The following NADSYN1 variants were observed in gnomAD, a reference collection of about 807,000 sequenced individuals.
NADSYN1 encodes glutamine-dependent NAD(+) synthetase.
NADSYN1 carries 80 observed loss-of-function variants against 99.3 expected under a neutral mutation model. The observed-to-expected ratio is 0.81, with a 90% confidence interval of 0.67 to 0.97. NADSYN1 has a LOEUF of 0.97. Among genes scored for constraint, NADSYN1 ranks in the 50% least tolerant of loss-of-function variants. The probability of loss-of-function intolerance (pLI) is 0.00; values close to 1 mark genes in which losing one functional copy is unlikely to be tolerated. For missense variants in NADSYN1, 859 were observed against 948.5 expected, an observed-to-expected ratio of 0.91 and a Z score of 1.24; for synonymous variants, 385 against 372.1, an observed-to-expected ratio of 1.03 and a Z score of -0.40.
At chr11:71,487,663 C>T (rs1210732138) in intron 16 of NADSYN1, among the ~76,000 whole-genome samples, 1 of 151,722 alleles carries the variant, frequency 6.6e-6, no homozygotes, top group Admixed American at 6.6e-5. Flanking sequence ...AACCCTGTCT[C>T]TACTAAAAAT....
chr11:71,490,838 C>G lies in NADSYN1; in HGVS notation c.1563-7C>G. The G allele has an allele frequency of 1.2e-6, 2 of 1,614,070 alleles. No individual in the cohort carries two copies. The highest frequency in any genetic ancestry group is 1.7e-6 in the Non-Finnish European group (2 of 1,179,946). The stretch of plus-strand genomic sequence containing the variant: ...GGAACCCGCGCTCTTTCTCCCTCTC[C>G]CTGCAGTCTCCTGGGCTACCTGACC... On this transcript the variant is annotated splice_polypyrimidine_tract_variant and splice_region_variant and intron_variant, in intron 16 of 20. Coordinates refer to ENST00000319023, the MANE Select transcript of NADSYN1 (RefSeq NM_018161.5).
chr11:71,458,175 T>C (rs989973378), intron 2 of NADSYN1, among the ~76,000 whole-genome samples: 1 of 152,184 alleles, frequency 6.6e-6, no homozygotes, highest in Admixed American at 6.5e-5. Flanking sequence ...CACTTCCTGA[T>C]AGAGAGAGAG....
At chr11:71,485,934 C>T (rs1290854270) in intron 16 of NADSYN1, among the ~76,000 whole-genome samples, 1 of 152,192 alleles carries the variant, frequency 6.6e-6, no homozygotes, top group Non-Finnish European at 1.5e-5. Flanking sequence ...TCAGGCTCCC[C>T]TCTTTCTTCT....
intron 3 of NADSYN1, among the ~76,000 whole-genome samples, chr11:71,463,013 A>G (rs1419813788): frequency 6.6e-6 from 1 of 152,104 alleles, no homozygotes; most frequent in Non-Finnish European, 1.5e-5. Flanking sequence ...GGAGCAGCAA[A>G]TGGAGGGGTT....
chr11:71,477,686 G>A (rs528916372), intron 9 of NADSYN1, among the ~76,000 whole-genome samples: 13 of 152,358 alleles, frequency 8.5e-5, no homozygotes, highest in Admixed American at 5.9e-4. Context: ...CAAAGGCAGG[G>A]CAGTGTCACC....
chr11:71,482,453 C>T (rs962580734), intron 13 of NADSYN1, among the ~76,000 whole-genome samples: 32 of 151,738 alleles, frequency 2.1e-4, no homozygotes, highest in East Asian at 1.2e-3. Context: ...GGGTGTAGAC[C>T]GGGGTGCAGC....
chr11:71,481,391 G>C lies in NADSYN1; in HGVS notation c.1034G>C (p.Arg345Thr). The C allele has an allele frequency of 6.2e-7, 1 of 1,614,050 alleles. No individual in the cohort carries two copies. Residue 345 changes from arginine (R) to threonine (T), a missense_variant, in exon 12 of 21, where the codon AGA becomes ACA. Coordinates refer to ENST00000319023, the MANE Select transcript of NADSYN1 (RefSeq NM_018161.5). Reference sequence around the variant, plus strand: ...GCCTGCTGGCTCTGGGATTTTTTAAGACGAAGTCAACAGGTAAGACTTCCA... The same window carrying C: ...GCCTGCTGGCTCTGGGATTTTTTAACACGAAGTCAACAGGTAAGACTTCCA... ...GPACWLWDFL[R>T]RSQQAGFLLP... is the part of the protein sequence containing the mutation.
chr11:71,476,004 G>A (rs1256879227), intron 9 of NADSYN1: 6 of 455,730 alleles, frequency 1.3e-5, no homozygotes, highest in Non-Finnish European at 2.6e-5. Context: ...GTGAGCCACC[G>A]CACCCGGCCT....
intron 5 of NADSYN1, among the ~76,000 whole-genome samples, chr11:71,469,783 A>G (rs1949615037): frequency 6.6e-6 from 1 of 152,116 alleles, no homozygotes; most frequent in African/African-American, 2.4e-5. Context: ...GATTTTGTTT[A>G]TAGATCTGGG....
chr11:71,483,029 C>T lies in NADSYN1; in HGVS notation c.1319+12C>T. On this transcript the variant is annotated intron_variant, in intron 14 of 20. Transcript: ENST00000319023. ...CAGCAGATTGGAAGGTAGAGTTGGT[C>T]CCTGGTATTGGGCATGGCAGGTGGC... The T allele has an allele frequency of 5.0e-6, 8 of 1,611,452 alleles. No homozygotes were observed. The highest frequency in any genetic ancestry group is 6.8e-6 in the Non-Finnish European group (8 of 1,179,424).
At chr11:71,476,046 A>G (rs1324675168) in intron 9 of NADSYN1, 1 of 456,170 alleles carries the variant, frequency 2.2e-6, no homozygotes, top group East Asian at 6.9e-5. Context: ...ACAAGAAAAA[A>G]TGGGCTATTA....
chr11:71,472,180 G>A (rs1949631385), intron 5 of NADSYN1, among the ~76,000 whole-genome samples: 1 of 152,218 alleles, frequency 6.6e-6, no homozygotes, highest in Non-Finnish European at 1.5e-5. Flanking sequence ...TCTCAGTAAA[G>A]ATGAACATGA....
chr11:71,470,298 C>A (rs1949618624), intron 5 of NADSYN1, among the ~76,000 whole-genome samples: 1 of 152,266 alleles, frequency 6.6e-6, no homozygotes, highest in Admixed American at 6.5e-5. Flanking sequence ...CACAGCCAGA[C>A]CATATCAGCG....
rs549607972 is a variant in NADSYN1 at position 71,455,918 on chromosome 11, C to G, written c.146+748C>G. 7.2e-5 allele frequency among the ~76,000 whole-genome samples: 11 copies of G among 152,352 alleles called. No individual in the cohort carries two copies. In the East Asian group the frequency reaches 9.6e-4, roughly 13 times the overall value. The stretch of plus-strand genomic sequence containing the variant: ...GGAAAACTGATTGCTTATTTCCCTT[C>G]TTGTCCCTTCAAAAACAAAAACAAA... On this transcript the variant is annotated intron_variant, in intron 2 of 20. Coordinates refer to ENST00000319023, the MANE Select transcript of NADSYN1 (RefSeq NM_018161.5).
intron 11 of NADSYN1, 178 bp downstream of exon 11, chr11:71,481,057 G>A: frequency 1.2e-6 from 1 of 845,478 alleles, no homozygotes; most frequent in Non-Finnish European, 1.8e-6. Flanking sequence ...ACCCCTGGGT[G>A]TGACCCCCAG....
chr11:71,497,207 C>T, intron 18 of NADSYN1: 1 of 426,632 alleles, frequency 2.3e-6, no homozygotes, highest in Non-Finnish European at 4.3e-6. Context: ...AAGTCACATC[C>T]CCAGGAACTG....
chr11:71,488,177 T>A (rs1478142349), intron 16 of NADSYN1, among the ~76,000 whole-genome samples: 1 of 152,182 alleles, frequency 6.6e-6, no homozygotes, highest in African/African-American at 2.4e-5. Context: ...ACACCTGTCC[T>A]CCCTCAGGCT....
chr11:71,468,628 A>T (rs1949608806), intron 5 of NADSYN1, among the ~76,000 whole-genome samples: 1 of 152,252 alleles, frequency 6.6e-6, no homozygotes, highest in Non-Finnish European at 1.5e-5. Flanking sequence ...TAGGACTCAG[A>T]GATAGCACAT....
chr11:71,463,092 G>C (rs1396905029), intron 3 of NADSYN1, among the ~76,000 whole-genome samples: 3 of 152,200 alleles, frequency 2.0e-5, no homozygotes, highest in Non-Finnish European at 4.4e-5. Context: ...GATGCCTCAG[G>C]TTAGCATAAG....
Sources: allele counts gnomAD v4.1 joint callset (sites outside exome capture counted in the v4.1 genomes callset), GRCh38; gene constraint gnomAD v4.1.1; transcripts MANE v1.5; gene names NCBI Gene and HGNC (gene_info 2026-07-23, HGNC 2026-07-21).